Variants in TTC17 observed in about 807,000 individuals in gnomAD.
TTC17 encodes tetratricopeptide repeat domain 17.
TTC17 carries 58 observed loss-of-function variants against 143.8 expected under a neutral mutation model. The ratio of observed to expected loss-of-function variants is 0.40; its 90% confidence interval spans 0.33 to 0.50. The LOEUF (loss-of-function observed/expected upper bound fraction) is 0.50, where lower values mean the gene tolerates loss of function less well. Among genes scored for constraint, TTC17 ranks in the 20% least tolerant of loss-of-function variants. The pLI is 0.49. For synonymous variants in TTC17, 501 were observed against 497.8 expected, an observed-to-expected ratio of 1.01 and a Z score of -0.09; for missense variants, 1,273 against 1,392.5, an observed-to-expected ratio of 0.91 and a Z score of 1.37.
At chr11:43,439,440 A>G (rs1235480975) in intron 16 of TTC17, among the ~76,000 whole-genome samples, 1 of 149,252 alleles carries the variant, frequency 6.7e-6, no homozygotes, top group African/African-American at 2.5e-5. Context: ...AGGACTACAT[A>G]TGCATAGCTT....
chr11:43,489,189 CT>C (rs1233041282), intron 21 of TTC17, among the ~76,000 whole-genome samples: 3 of 152,102 alleles, frequency 2.0e-5, no homozygotes, highest in Non-Finnish European at 4.4e-5. Flanking sequence ...ATATAAAGAA[CT>C]TTTTACCAAC....
At chr11:43,462,337 T>A (rs1451650348) in intron 21 of TTC17, among the ~76,000 whole-genome samples, 2 of 152,184 alleles carry the variant, frequency 1.3e-5, no homozygotes, top group Non-Finnish European at 2.9e-5. Flanking sequence ...GATGGAGCGA[T>A]TATCCTGGAT....
intron 10 of TTC17, among the ~76,000 whole-genome samples, chr11:43,403,515 T>G (rs930323710): frequency 6.6e-6 from 1 of 152,182 alleles, no homozygotes; most frequent in Non-Finnish European, 1.5e-5. Context: ...CCTTTCACCC[T>G]CAAAACTTTT....
chr11:43,402,693 A>G (rs930585692), intron 10 of TTC17, among the ~76,000 whole-genome samples: 1 of 152,210 alleles, frequency 6.6e-6, no homozygotes, highest in Non-Finnish European at 1.5e-5. Context: ...AGGTAAGTGT[A>G]ATAAAATATT....
intron 16 of TTC17, chr11:43,435,209 T>G (rs1236314031): frequency 1.3e-5 from 2 of 152,182 alleles, no homozygotes; most frequent in African/African-American, 2.4e-5. Context: ...GGAGAACAGC[T>G]ACTTACACAC....
intron 21 of TTC17, among the ~76,000 whole-genome samples, chr11:43,479,470 T>G (rs746872438): frequency 5.9e-5 from 9 of 152,322 alleles, no homozygotes; most frequent in Non-Finnish European, 1.3e-4. Context: ...GCAAGCTTTG[T>G]AAAAAATTTA....
chr11:43,365,637 C>T (rs542880947), intron 1 of TTC17, among the ~76,000 whole-genome samples: 7 of 152,224 alleles, frequency 4.6e-5, no homozygotes, highest in Admixed American at 3.3e-4. Context: ...TCATACTCAC[C>T]CTTTAGATAA....
At chr11:43,434,375 T>C (rs1043472477) in intron 16 of TTC17, among the ~76,000 whole-genome samples, 1 of 152,204 alleles carries the variant, frequency 6.6e-6, no homozygotes, top group African/African-American at 2.4e-5. Context: ...ACATTATTCT[T>C]CCTTGCCTAG....
At chr11:43,439,834 C>A (rs1056050879) in intron 16 of TTC17, among the ~76,000 whole-genome samples, 1 of 152,094 alleles carries the variant, frequency 6.6e-6, no homozygotes, top group East Asian at 1.9e-4. Context: ...TAATATGGCT[C>A]AGATACAAGT....
chr11:43,388,531 T>A (rs980766924), intron 2 of TTC17, among the ~76,000 whole-genome samples: 1 of 151,834 alleles, frequency 6.6e-6, no homozygotes. Context: ...ACTCCCTTTT[T>A]TTTTTTCTTT....
At chr11:43,437,307 T>G (rs1947314819) in intron 16 of TTC17, among the ~76,000 whole-genome samples, 1 of 152,192 alleles carries the variant, frequency 6.6e-6, no homozygotes, top group African/African-American at 2.4e-5. Flanking sequence ...TGCATCTATA[T>G]CTCTTCATTT....
chr11:43,408,961 T>C (rs1353889939), intron 15 of TTC17, among the ~76,000 whole-genome samples: 10 of 152,070 alleles, frequency 6.6e-5, no homozygotes, highest in Admixed American at 5.9e-4. Context: ...AAGGCTGGTC[T>C]TGAACACCCG....
intron 16 of TTC17, chr11:43,436,260 A>G: frequency 6.9e-7 from 1 of 1,459,808 alleles, no homozygotes; most frequent in Non-Finnish European, 9.0e-7. Context: ...GAGCCCTCTG[A>G]GAGAGGAACA....
At chr11:43,361,988 T>C (rs956810702) in intron 1 of TTC17, among the ~76,000 whole-genome samples, 3 of 151,560 alleles carry the variant, frequency 2.0e-5, no homozygotes, top group Admixed American at 1.3e-4. Context: ...CTTTTTTTTT[T>C]TTTTTTTTTG....
intron 16 of TTC17, among the ~76,000 whole-genome samples, chr11:43,415,665 T>G: frequency 6.6e-6 from 1 of 152,196 alleles, no homozygotes; most frequent in African/African-American, 2.4e-5. Flanking sequence ...ACATGAATAA[T>G]TATTAGTAGA....
rs748969720 is a variant in TTC17 at position 43,389,816 on chromosome 11, C to T, written c.414C>T (p.Asp138=). 1.9e-6 allele frequency: 3 copies of T among 1,594,224 alleles called. No homozygotes were observed. Among genetic ancestry groups the T allele is most frequent in the South Asian group, 1.2e-5 (1 of 86,550 alleles). ...DGTYITLESK[D]ISPEDYIDTE... ...CATACATAACTTTGGAGAGCAAAGACATCAGGTAAAGAAGTTCTCTTTCCA... is the reference window on the plus strand; with the variant it reads ...CATACATAACTTTGGAGAGCAAAGATATCAGGTAAAGAAGTTCTCTTTCCA... Residue 138 remains aspartate (D), a synonymous_variant, in exon 3 of 24, where the codon GAC becomes GAT. Coordinates refer to ENST00000039989, the MANE Select transcript of TTC17 (RefSeq NM_018259.6).
At chr11:43,475,024 T>C (rs940776814) in intron 21 of TTC17, among the ~76,000 whole-genome samples, 4 of 151,812 alleles carry the variant, frequency 2.6e-5, no homozygotes, top group Non-Finnish European at 5.9e-5. Flanking sequence ...GTGAAGGAGA[T>C]GGAAGGGGAG....
rs577335657 is a variant in TTC17, at chr11:43,428,194, A to G, written c.2251+13418A>G. Reference sequence around the variant, plus strand: ...TAAACTAGTGTCTCTCTCGACCCTCATTGAAAACTAACACCTATGAGTCAG... The same window carrying G: ...TAAACTAGTGTCTCTCTCGACCCTCGTTGAAAACTAACACCTATGAGTCAG... On this transcript the variant is annotated intron_variant, in intron 16 of 23. Transcript: ENST00000039989. Among the ~76,000 whole-genome samples, 21 of 152,256 alleles carry G rather than the reference A, an allele frequency of 1.4e-4. 1 individual carries two copies. The South Asian group carries it at 4.4e-3, about 32-fold the overall frequency.
intron 1 of TTC17, among the ~76,000 whole-genome samples, chr11:43,375,670 C>T (rs1856738929): frequency 6.6e-6 from 1 of 150,390 alleles, no homozygotes; most frequent in African/African-American, 2.4e-5. Flanking sequence ...TGAAAGTGTT[C>T]AGTATATATG....
Sources: gnomAD v4.1 joint callset for allele counts (sites outside exome capture counted in the v4.1 genomes callset) on GRCh38, gnomAD v4.1.1 for gene constraint, MANE v1.5 for transcripts, NCBI Gene and HGNC (gene_info 2026-07-23, HGNC 2026-07-21) for gene names.